Variants in UNC13C observed in about 807,000 individuals in gnomAD.
UNC13C encodes the protein unc-13 homolog C.
Under a neutral mutation model 245.4 loss-of-function variants are expected in UNC13C, and 174 were observed. That is an observed-to-expected ratio of 0.71 (90% CI 0.63 to 0.80). The LOEUF is 0.80. Among genes scored for constraint, UNC13C ranks in the 30% least tolerant of loss-of-function variants. The pLI is 0.00. For missense variants in UNC13C, 2,829 were observed against 2,602.9 expected, an observed-to-expected ratio of 1.09 and a Z score of -1.89; for synonymous variants, 992 against 895.1, an observed-to-expected ratio of 1.11 and a Z score of -1.93.
intron 2 of UNC13C, among the ~76,000 whole-genome samples, chr15:54,037,738 G>A (rs947075294): frequency 5.3e-5 from 8 of 151,978 alleles, no homozygotes; most frequent in African/African-American, 9.7e-5. Flanking sequence ...GTGATCTAAC[G>A]CCATTCACTT....
intron 10 of UNC13C, among the ~76,000 whole-genome samples, chr15:54,269,045 T>C (rs2414290): frequency 6.6e-6 from 1 of 150,382 alleles, no homozygotes; most frequent in African/African-American, 2.4e-5. Context: ...TTTTTTTTTT[T>C]AATTTTTTAT....
chr15:54,552,698 T>A lies in UNC13C; in HGVS notation c.5878-2734T>A, dbSNP rs9796549. On this transcript the variant is annotated intron_variant, in intron 28 of 32. Transcript: ENST00000260323. ...ATAATATAATTATATAATTATATATTATATATAATTATATTATATTGTACA... is the reference window on the plus strand; with the variant it reads ...ATAATATAATTATATAATTATATATAATATATAATTATATTATATTGTACA... 3.3e-3 allele frequency among the ~76,000 whole-genome samples: 273 copies of A among 83,242 alleles called. 6 individuals are homozygous for A. The highest frequency in any genetic ancestry group is 0.013 in the African/African-American group (267 of 19,926). 54.6% of individuals were successfully genotyped at this position (83,242 alleles called of 152,430 possible).
At chr15:54,416,045 G>A (rs968683602) in intron 19 of UNC13C, among the ~76,000 whole-genome samples, 5 of 152,150 alleles carry the variant, frequency 3.3e-5, no homozygotes, top group Non-Finnish European at 5.9e-5. Context: ...AGAACTCAGT[G>A]GGCCCAATGA....
chr15:54,157,909 A>G lies in UNC13C; in HGVS notation c.3071+14225A>G, dbSNP rs560188662. Among the ~76,000 whole-genome samples, 20 of 152,312 alleles carry G rather than the reference A, an allele frequency of 1.3e-4. 1 individual carries two copies. In the South Asian group the frequency reaches 3.9e-3, roughly 30 times the overall value. On this transcript the variant is annotated intron_variant, in intron 4 of 32. Coordinates refer to ENST00000260323, the MANE Select transcript of UNC13C (RefSeq NM_001080534.3). Reference sequence around the variant, plus strand: ...ACTGGCTAGCCATATGTAGAAAGAGAATTAAATATATTTCTATCTACTCCT... The same window carrying G: ...ACTGGCTAGCCATATGTAGAAAGAGGATTAAATATATTTCTATCTACTCCT...
chr15:54,050,384 C>T (rs1897226593), intron 2 of UNC13C: 4 of 558,286 alleles, frequency 7.2e-6, no homozygotes, highest in Non-Finnish European at 7.2e-6. Flanking sequence ...TTTTTCTGTA[C>T]TTGATAAGTA....
At chr15:54,496,988 A>G (rs1310772332) in intron 20 of UNC13C, among the ~76,000 whole-genome samples, 1 of 152,152 alleles carries the variant, frequency 6.6e-6, no homozygotes, top group African/African-American at 2.4e-5. Context: ...ATTTAAAAAT[A>G]GAAAAATAAA....
At chr15:54,110,523 C>A (rs1900714400) in intron 2 of UNC13C, among the ~76,000 whole-genome samples, 1 of 152,050 alleles carries the variant, frequency 6.6e-6, no homozygotes, top group Non-Finnish European at 1.5e-5. Context: ...AAAAATATTA[C>A]AGGAATAAAA....
chr15:54,384,041 C>T (rs1346629950), intron 17 of UNC13C, among the ~76,000 whole-genome samples: 2 of 152,096 alleles, frequency 1.3e-5, no homozygotes, highest in Non-Finnish European at 2.9e-5. Flanking sequence ...ATTACTTGTT[C>T]ATGAATCAGA....
intron 30 of UNC13C, among the ~76,000 whole-genome samples, chr15:54,582,240 A>G (rs574678301): frequency 7.2e-5 from 11 of 152,328 alleles, no homozygotes; most frequent in African/African-American, 2.4e-4. Flanking sequence ...GCCAGGGTCA[A>G]GCAAGCAAAG....
At chr15:54,046,129 C>T (rs1369176930) in intron 2 of UNC13C, among the ~76,000 whole-genome samples, 2 of 152,106 alleles carry the variant, frequency 1.3e-5, no homozygotes, top group East Asian at 3.9e-4. Flanking sequence ...TTTATTGCTA[C>T]ATAATACCCC....
At position 54,627,166 on chromosome 15, in the gene UNC13C, A is replaced by G; in HGVS notation, c.*53A>G. On this transcript the variant is annotated 3_prime_UTR_variant, in exon 33 of 33. Transcript: ENST00000260323. Reference sequence around the variant, plus strand: ...CTATAATTGTTTGACTACTGCATGCATGTGCAAATACATGGGAATGTTTAG... The same window carrying G: ...CTATAATTGTTTGACTACTGCATGCGTGTGCAAATACATGGGAATGTTTAG... 1.3e-6 allele frequency: 2 copies of G among 1,503,108 alleles called. No homozygotes were observed. Among genetic ancestry groups the G allele is most frequent in the Admixed American group, 2.0e-5 (1 of 50,826 alleles). 93.1% of individuals were successfully genotyped at this position (1,503,108 alleles called of 1,614,324 possible).
chr15:54,450,557 G>A (rs1005995236), intron 19 of UNC13C, among the ~76,000 whole-genome samples: 3 of 152,206 alleles, frequency 2.0e-5, no homozygotes, highest in Admixed American at 6.5e-5. Context: ...CATGGGCTTG[G>A]GACCCTCTGA....
At chr15:54,194,433 C>A (rs987710593) in intron 4 of UNC13C, among the ~76,000 whole-genome samples, 1 of 151,882 alleles carries the variant, frequency 6.6e-6, no homozygotes, top group Non-Finnish European at 1.5e-5. Flanking sequence ...GTGGCAAGGA[C>A]AATACTGATC....
intron 2 of UNC13C, among the ~76,000 whole-genome samples, chr15:54,117,289 A>AT (rs1307925467): frequency 1.3e-5 from 2 of 151,800 alleles, no homozygotes; most frequent in African/African-American, 4.8e-5. Flanking sequence ...ATGTAACCCA[A>AT]TTTTTTTATT....
chr15:53,848,238 T>A, the UNC13C span, among the ~76,000 whole-genome samples: 1 of 152,142 alleles, frequency 6.6e-6, no homozygotes, highest in African/African-American at 2.4e-5. Context: ...TTCTTTCTAT[T>A]TGAGTTTAAT....
At chr15:54,350,027 G>A (rs917793197) in intron 17 of UNC13C, among the ~76,000 whole-genome samples, 5 of 151,006 alleles carry the variant, frequency 3.3e-5, no homozygotes, top group Non-Finnish European at 1.5e-5. Flanking sequence ...TCACTGTGTC[G>A]CCCAGGCTGG....
chr15:54,496,040 A>G (rs1358191900), intron 20 of UNC13C, among the ~76,000 whole-genome samples: 1 of 152,018 alleles, frequency 6.6e-6, no homozygotes, highest in Non-Finnish European at 1.5e-5. Flanking sequence ...TCATACTCTG[A>G]AAAGTTGCTA....
intron 19 of UNC13C, among the ~76,000 whole-genome samples, chr15:54,420,777 A>G (rs770926108): frequency 6.6e-6 from 1 of 152,008 alleles, no homozygotes; most frequent in Non-Finnish European, 1.5e-5. Flanking sequence ...AAATTTTATA[A>G]AAATAAATTA....
At chr15:54,157,350 C>T (rs1016175290) in intron 4 of UNC13C, among the ~76,000 whole-genome samples, 13 of 152,286 alleles carry the variant, frequency 8.5e-5, no homozygotes, top group African/African-American at 2.9e-4. Flanking sequence ...TCTTAATGCT[C>T]CATTTGAAAA....
Sources: allele counts gnomAD v4.1 joint callset (sites outside exome capture counted in the v4.1 genomes callset), GRCh38; gene constraint gnomAD v4.1.1; transcripts MANE v1.5; gene names NCBI Gene and HGNC (gene_info 2026-07-23, HGNC 2026-07-21).